Variants in CNPY1 observed in about 807,000 individuals in gnomAD.
CNPY1 encodes canopy FGF signaling regulator 1, also known as protein canopy homolog 1.
In CNPY1, 14 loss-of-function variants were observed where a neutral mutation model predicts 14.4. That is an observed-to-expected ratio of 0.97 (90% CI 0.64 to 1.52). CNPY1 has a LOEUF of 1.52. Among genes scored for constraint, CNPY1 ranks in the 40% most tolerant of loss-of-function variants. The probability of loss-of-function intolerance (pLI) is 0.00; values close to 1 mark genes in which losing one functional copy is unlikely to be tolerated. For synonymous variants in CNPY1, 43 were observed against 46.5 expected (o/e 0.92, Z 0.31); for missense variants, 129 against 131.5 (o/e 0.98, Z 0.09).
chr7:155,537,953 T>G lies in CNPY1; in HGVS notation c.99+7878A>C, dbSNP rs139759465. ...AAAAAGAAAGAAAGGAGCTCAGCAGTAATACGCAGATACAAGAACTGTGAC... is the reference window on the plus strand; with the variant it reads ...AAAAAGAAAGAAAGGAGCTCAGCAGGAATACGCAGATACAAGAACTGTGAC... On this transcript the variant is annotated intron_variant, in intron 2 of 4. Coordinates refer to ENST00000636446, the MANE Select transcript of CNPY1 (RefSeq NM_001393663.1). Among the ~76,000 whole-genome samples, 486 of 152,316 alleles carry G rather than the reference T, an allele frequency of 3.2e-3. 1 individual carries two copies. Among genetic ancestry groups the G allele is most frequent in the African/African-American group, 0.011 (450 of 41,554 alleles).
rs900984281 is a variant in CNPY1, at chr7:155,501,223, G to C, written c.*1845C>G. 1.3e-5 allele frequency: 2 copies of C among 152,132 alleles called. No individual in the cohort carries two copies. The highest frequency in any genetic ancestry group is 4.8e-5 in the African/African-American group (2 of 41,432). 9.4% of individuals were successfully genotyped at this position (152,132 alleles called of 1,614,324 possible). A position where few individuals can be genotyped will look rare whatever the true frequency, so the allele number is the denominator to read the frequency against. On this transcript the variant is annotated 3_prime_UTR_variant, in exon 5 of 5. Coordinates refer to ENST00000636446, the MANE Select transcript of CNPY1 (RefSeq NM_001393663.1). Reference sequence around the variant, plus strand: ...ACCTTAGATAGTCACTGTAAGTCAAGGTTCCTCGCCCTCTCCATTCAAAGC... The same window carrying C: ...ACCTTAGATAGTCACTGTAAGTCAACGTTCCTCGCCCTCTCCATTCAAAGC...
intron 1 of CNPY1, 33 bp from the exon 2 acceptor site, chr7:155,545,976 G>A (rs915426210): frequency 5.0e-5 from 20 of 398,498 alleles, no homozygotes; most frequent in Non-Finnish European, 8.0e-5. Flanking sequence ...GTGATCAGAG[G>A]AGGAGGCGAG....
chr7:155,518,099 C>G (rs1180985460), intron 2 of CNPY1, among the ~76,000 whole-genome samples: 2 of 152,162 alleles, frequency 1.3e-5, no homozygotes, highest in Non-Finnish European at 2.9e-5. Flanking sequence ...CTCTCTCTGC[C>G]GAAACCCTTC....
rs187654732 is a variant in CNPY1 at position 155,537,231 on chromosome 7, G to C, written c.99+8600C>G. 5.9e-5 allele frequency among the ~76,000 whole-genome samples: 9 copies of C among 152,236 alleles called. No homozygotes were observed. In the South Asian group the frequency reaches 8.3e-4, roughly 14 times the overall value. ...AAGAGAGAGTAGCAGCAGAGATAAAGGGGGAAGCTACCTCCCTTCCAGCCT... is the reference window on the plus strand; with the variant it reads ...AAGAGAGAGTAGCAGCAGAGATAAACGGGGAAGCTACCTCCCTTCCAGCCT... On this transcript the variant is annotated intron_variant, in intron 2 of 4. Transcript: ENST00000636446.
At chr7:155,516,130 C>A (rs919735753) in intron 2 of CNPY1, among the ~76,000 whole-genome samples, 1 of 152,004 alleles carries the variant, frequency 6.6e-6, no homozygotes, top group Non-Finnish European at 1.5e-5. Flanking sequence ...GTCCAGGATT[C>A]GAAGGGAATG....
chr7:155,544,058 GGATT>G (rs1423445459), intron 2 of CNPY1, among the ~76,000 whole-genome samples: 5 of 152,160 alleles, frequency 3.3e-5, no homozygotes, highest in Non-Finnish European at 7.3e-5. Context: ...TTCCATTCTG[GGATT>G]AGACACACTG....
At chr7:155,513,492 G>A (rs1185251347) in intron 2 of CNPY1, among the ~76,000 whole-genome samples, 1 of 151,978 alleles carries the variant, frequency 6.6e-6, no homozygotes, top group African/African-American at 2.4e-5. Flanking sequence ...ATACCTAAAT[G>A]TTGCCTGCTA....
At chr7:155,525,181 CT>C (rs902043877) in intron 2 of CNPY1, among the ~76,000 whole-genome samples, 62 of 151,644 alleles carry the variant, frequency 4.1e-4, no homozygotes, top group African/African-American at 1.5e-3. Flanking sequence ...ATCTTTCTTT[CT>C]TTTTTTTTAT....
chr7:155,521,137 A>G (rs1051352352), intron 2 of CNPY1, among the ~76,000 whole-genome samples: 2 of 151,906 alleles, frequency 1.3e-5, no homozygotes, highest in African/African-American at 4.8e-5. Context: ...AAGCTCCTGA[A>G]GAGAAGAAAT....
chr7:155,511,953 A>G (rs2111844), intron 2 of CNPY1, among the ~76,000 whole-genome samples: 94,536 of 152,110 alleles, frequency 0.62, 29,490 homozygotes, highest in Middle Eastern at 0.67. Flanking sequence ...TAGCTGAACT[A>G]CGTTCAGTAC....
At chr7:155,533,571 C>T (rs956687420) in intron 2 of CNPY1, among the ~76,000 whole-genome samples, 1 of 152,214 alleles carries the variant, frequency 6.6e-6, no homozygotes, top group Non-Finnish European at 1.5e-5. Context: ...CCAGCAGGGC[C>T]CGTCGCTTCG....
In CNPY1 at chr7:155,502,979, A is replaced by G; in HGVS notation, c.*89T>C. The stretch of plus-strand genomic sequence containing the variant: ...ATAAACAAGAGACAAAATTTTTCTT[A>G]TCATGAAAGACAACATGCAAACATA... On this transcript the variant is annotated 3_prime_UTR_variant, in exon 5 of 5. Coordinates refer to ENST00000636446, the MANE Select transcript of CNPY1 (RefSeq NM_001393663.1). The G allele has an allele frequency of 8.2e-7, 1 of 1,220,658 alleles. No homozygotes were observed. The highest frequency in any genetic ancestry group is 2.1e-5 in the Admixed American group (1 of 46,692). The allele number at this position is 1,220,658 out of a possible 1,614,324, so 75.6% of individuals were successfully genotyped here.
intron 2 of CNPY1, among the ~76,000 whole-genome samples, chr7:155,529,240 A>G (rs191172683): frequency 2.1e-4 from 32 of 152,280 alleles, no homozygotes; most frequent in African/African-American, 7.0e-4. Context: ...CCGACGTTCT[A>G]CGTGAAATCT....
intron 2 of CNPY1, among the ~76,000 whole-genome samples, chr7:155,509,626 C>T (rs1431330838): frequency 6.6e-6 from 1 of 152,172 alleles, no homozygotes; most frequent in Non-Finnish European, 1.5e-5. Context: ...GTCTGGCCCT[C>T]CCCGGGGCTG....
At chr7:155,506,297 T>G (rs1796304770) in intron 4 of CNPY1, among the ~76,000 whole-genome samples, 1 of 152,210 alleles carries the variant, frequency 6.6e-6, no homozygotes, top group Non-Finnish European at 1.5e-5. Flanking sequence ...GTGTACTCCA[T>G]TCTTATAAAT....
intron 4 of CNPY1, 118 bp downstream of exon 4, chr7:155,506,902 T>C: frequency 1.4e-6 from 1 of 695,896 alleles, no homozygotes; most frequent in Non-Finnish European, 2.6e-6. Context: ...GGGGATCCTG[T>C]GTCAGAGCCG....
At chr7:155,507,178 A>C in intron 3 of CNPY1, 62 bp from the exon 4 acceptor site, 1 of 1,039,570 alleles carries the variant, frequency 9.6e-7, no homozygotes, top group Non-Finnish European at 1.5e-6. Flanking sequence ...CTTTGTTAGG[A>C]AGGACTTTGC....
chr7:155,545,711 G>A (rs1301483806), intron 2 of CNPY1, 120 bp downstream of exon 2: 1 of 394,178 alleles, frequency 2.5e-6, no homozygotes, highest in East Asian at 3.6e-5. Flanking sequence ...AAGCAATTTA[G>A]AGCTGATACC....
chr7:155,538,402 A>C (rs1450649906), intron 2 of CNPY1, among the ~76,000 whole-genome samples: 1 of 152,172 alleles, frequency 6.6e-6, no homozygotes, highest in Non-Finnish European at 1.5e-5. Context: ...GGCTGGTCTC[A>C]CTGTCTCCTG....
Sources: gnomAD v4.1 joint callset for allele counts (sites outside exome capture counted in the v4.1 genomes callset) on GRCh38, gnomAD v4.1.1 for gene constraint, MANE v1.5 for transcripts, NCBI Gene and HGNC (gene_info 2026-07-23, HGNC 2026-07-21) for gene names.